Variants in DSCAML1 observed in about 807,000 individuals in gnomAD.
DSCAML1 encodes the protein cell adhesion molecule DSCAML1.
In DSCAML1, 38 loss-of-function variants were observed where a neutral mutation model predicts 200.5. That is an observed-to-expected ratio of 0.19 (90% CI 0.15 to 0.25). The LOEUF is 0.25. Among genes scored for constraint, DSCAML1 ranks in the 10% least tolerant of loss-of-function variants. The probability of loss-of-function intolerance (pLI) is 1.00; values close to 1 mark genes in which losing one functional copy is unlikely to be tolerated. For missense variants in DSCAML1, 2,223 were observed against 2,858.8 expected, an observed-to-expected ratio of 0.78 and a Z score of 5.07; for synonymous variants, 1,215 against 1,165.0, an observed-to-expected ratio of 1.04 and a Z score of -0.87.
chr11:117,794,687 G>A (rs562962211), intron 1 of DSCAML1, among the ~76,000 whole-genome samples: 181 of 152,008 alleles, frequency 1.2e-3, no homozygotes, highest in Non-Finnish European at 2.1e-3. Context: ...CAACGGGAGA[G>A]AAAATACTCC....
chr11:117,710,028 G>T (rs1256757973), intron 3 of DSCAML1, among the ~76,000 whole-genome samples: 1 of 152,208 alleles, frequency 6.6e-6, no homozygotes, highest in Non-Finnish European at 1.5e-5. Flanking sequence ...TGTCCCCTCT[G>T]CAAGGGACAG....
chr11:117,777,766 G>A (rs2055156911), intron 2 of DSCAML1, among the ~76,000 whole-genome samples: 1 of 151,694 alleles, frequency 6.6e-6, no homozygotes, highest in South Asian at 2.1e-4. Flanking sequence ...CTAGGGCATT[G>A]CCAACTGCAG....
At chr11:117,609,027 C>A (rs1451639970) in intron 3 of DSCAML1, among the ~76,000 whole-genome samples, 7 of 110,934 alleles carry the variant, frequency 6.3e-5, no homozygotes, top group East Asian at 3.2e-4. Flanking sequence ...AACAAACAAA[C>A]AAACAAACAA....
At chr11:117,545,365 GCCATGACCTTGA>G (rs1464105945) in intron 3 of DSCAML1, among the ~76,000 whole-genome samples, 1 of 152,176 alleles carries the variant, frequency 6.6e-6, no homozygotes, top group Non-Finnish European at 1.5e-5. Flanking sequence ...AACCACACCT[GCCATGACCTTGA>G]CCTTAGACTT....
intron 3 of DSCAML1, among the ~76,000 whole-genome samples, chr11:117,746,512 C>T (rs1037447385): frequency 6.6e-6 from 1 of 152,100 alleles, no homozygotes; most frequent in Non-Finnish European, 1.5e-5. Context: ...TGGGGAAGTG[C>T]TTGAAGCCCT....
intron 3 of DSCAML1, among the ~76,000 whole-genome samples, chr11:117,708,454 T>G: frequency 6.6e-6 from 1 of 152,232 alleles, no homozygotes; most frequent in East Asian, 1.9e-4. Context: ...TTGGGTAAGT[T>G]TCTTAACCTA....
intron 3 of DSCAML1, among the ~76,000 whole-genome samples, chr11:117,610,164 T>TC (rs34610599): frequency 6.6e-6 from 1 of 152,240 alleles, no homozygotes; most frequent in East Asian, 1.9e-4. Context: ...TGTGACTGCT[T>TC]CCAATGGATT....
chr11:117,736,204 C>T (rs1254280174), intron 3 of DSCAML1, among the ~76,000 whole-genome samples: 1 of 152,198 alleles, frequency 6.6e-6, no homozygotes, highest in African/African-American at 2.4e-5. Flanking sequence ...AGCTATAAGC[C>T]AGGCTGCAGT....
At chr11:117,562,971 C>A (rs755791) in intron 3 of DSCAML1, among the ~76,000 whole-genome samples, 88,586 of 152,056 alleles carry the variant, frequency 0.58, 26,617 homozygotes, top group Non-Finnish European at 0.66. Context: ...CTGACACTGT[C>A]TGGAAGGATC....
chr11:117,442,427 G>A (rs1350688255), intron 21 of DSCAML1, among the ~76,000 whole-genome samples: 3 of 151,470 alleles, frequency 2.0e-5, no homozygotes, highest in Admixed American at 1.3e-4. Context: ...GTGCGTAAAT[G>A]TATGTGTGGG....
chr11:117,471,612 T>C (rs1263180185), intron 15 of DSCAML1, among the ~76,000 whole-genome samples: 1 of 152,218 alleles, frequency 6.6e-6, no homozygotes, highest in Admixed American at 6.5e-5. Flanking sequence ...GATAGATCTT[T>C]CCAGATGCTG....
In DSCAML1 at chr11:117,437,323, C is replaced by T. The variant is rs2137074881; in HGVS notation, c.4519G>A (p.Gly1507Ser). 1.2e-6 allele frequency: 2 copies of T among 1,614,260 alleles called. 1 individual carries two copies. Among genetic ancestry groups the T allele is most frequent in the East Asian group, 4.5e-5 (2 of 44,894 alleles). ...AGAACGATGGCTGTGATAGGGCAGC[C>T]CCCATTGTTCCAGCCCTGCAGGTTA... Reference protein sequence around the residue: ...RLNLQGWNNGGCPITAIVLEY... With the variant: ...RLNLQGWNNGSCPITAIVLEY... Residue 1507 changes from glycine to serine, a missense_variant, in exon 26 of 33, where the codon GGC becomes AGC. Physicochemically the swap from Gly to Ser is moderately conservative, Grantham distance 56 (BLOSUM62 0). Around this residue, in one of 7 missense-constraint regions of DSCAML1, gnomAD observed 614 missense variants for 739.1 expected, o/e 0.83. Transcript: ENST00000651296. This position sits in a 1 kb window ranked among gnomAD's most constrained non-coding sequence, Gnocchi z 5.3.
chr11:117,582,798 C>A (rs527755916), intron 3 of DSCAML1, among the ~76,000 whole-genome samples: 1 of 152,320 alleles, frequency 6.6e-6, no homozygotes, highest in South Asian at 2.1e-4. Context: ...ATTGACCCCT[C>A]AGTTCTCAGG....
intron 3 of DSCAML1, among the ~76,000 whole-genome samples, chr11:117,657,021 T>G (rs1315742941): frequency 6.6e-6 from 1 of 152,152 alleles, no homozygotes; most frequent in Non-Finnish European, 1.5e-5. Flanking sequence ...TTCACACTGG[T>G]TACTGAAGGC....
At chr11:117,750,379 G>A (rs1157433234) in intron 3 of DSCAML1, among the ~76,000 whole-genome samples, 1 of 152,200 alleles carries the variant, frequency 6.6e-6, no homozygotes, top group Admixed American at 6.5e-5. Context: ...ACACCCCAGG[G>A]ACAATCAGTT....
chr11:117,551,535 A>T (rs1198194352), intron 3 of DSCAML1, among the ~76,000 whole-genome samples: 1 of 152,034 alleles, frequency 6.6e-6, no homozygotes, highest in African/African-American at 2.4e-5. Context: ...CTTCTGAGGG[A>T]CGCGTGTTGG....
chr11:117,482,075 C>T lies in DSCAML1; in HGVS notation c.2447G>A (p.Arg816Gln), dbSNP rs1028890107. 1.2e-5 allele frequency: 19 copies of T among 1,614,030 alleles called. No individual in the cohort carries two copies. Among genetic ancestry groups the T allele is most frequent in the African/African-American group, 5.3e-5 (4 of 74,902 alleles). The change falls in exon 12 of 33, where the codon CGG (arginine) becomes CAG (glutamine). Residue 816 changes from arginine to glutamine, a missense_variant. Physicochemically the swap from Arg to Gln is conservative, Grantham distance 43 (BLOSUM62 1). Transcript: ENST00000651296. Reference sequence around the variant, plus strand: ...CTTCTCCCAGCGGATGATGATGGGCCGCTCACCCCGTGCCGTGCAGTTTAG... The same window carrying T: ...CTTCTCCCAGCGGATGATGATGGGCTGCTCACCCCGTGCCGTGCAGTTTAG... ...KELNCTARGE[R>Q]PIIIRWEKGD...
intron 3 of DSCAML1, among the ~76,000 whole-genome samples, chr11:117,608,825 A>T (rs959794689): frequency 6.6e-6 from 1 of 152,190 alleles, no homozygotes; most frequent in Non-Finnish European, 1.5e-5. Flanking sequence ...TACTATCACC[A>T]GCAGTGTACT....
At chr11:117,716,440 A>G (rs1335588335) in intron 3 of DSCAML1, among the ~76,000 whole-genome samples, 1 of 152,198 alleles carries the variant, frequency 6.6e-6, no homozygotes, top group Non-Finnish European at 1.5e-5. Flanking sequence ...TTGCTCTTTA[A>G]AAGCTTAACC....
Sources: gnomAD v4.1 joint callset for allele counts (sites outside exome capture counted in the v4.1 genomes callset) on GRCh38, gnomAD v4.1.1 for gene constraint, gnomAD v4.1.1 regional missense constraint, Gnocchi (gnomAD v3.1) non-coding constraint, MANE v1.5 for transcripts, NCBI Gene and HGNC (gene_info 2026-07-23, HGNC 2026-07-21) for gene names.